Variants in MSR1 observed in about 807,000 individuals in gnomAD.
MSR1 encodes the protein macrophage scavenger receptor types I and II.
MSR1 carries 53 observed loss-of-function variants against 47.2 expected under a neutral mutation model. The ratio of observed to expected loss-of-function variants is 1.12; its 90% CI spans 0.90 to 1.41. The LOEUF (loss-of-function observed/expected upper bound fraction) is 1.41. Among genes scored for constraint, MSR1 ranks in the 40% most tolerant of loss-of-function variants. The pLI is 0.00. For synonymous variants in MSR1, 239 were observed against 185.6 expected (o/e 1.29, Z -2.34); for missense variants, 786 against 546.9 (o/e 1.44, Z -4.36).
In MSR1 at chr8:16,163,387, A is replaced by T. The variant is rs543423041; in HGVS notation, c.817+678T>A. ...TACCAACAGGCAAAAGGTTGCAATC[A>T]AAATATAGAAAAATACATGCAAATG... On this transcript the variant is annotated intron_variant, in intron 5 of 9. Coordinates refer to ENST00000262101, the MANE Select transcript of MSR1 (RefSeq NM_138715.3). Among the ~76,000 whole-genome samples, 14 of 151,928 alleles carry T rather than the reference A, an allele frequency of 9.2e-5. No individual in the cohort carries two copies. In the East Asian group the frequency reaches 2.1e-3, roughly 23 times the overall value.
chr8:16,131,358 C>T (rs1356039295), intron 8 of MSR1, among the ~76,000 whole-genome samples: 1 of 149,956 alleles, frequency 6.7e-6, no homozygotes, highest in African/African-American at 2.5e-5. Context: ...AAGTTCCTTA[C>T]AGATTCTGGA....
chr8:16,136,874 T>G (rs1192478821), intron 8 of MSR1, among the ~76,000 whole-genome samples: 1 of 152,040 alleles, frequency 6.6e-6, no homozygotes, highest in Non-Finnish European at 1.5e-5. Flanking sequence ...GCGCTGGGAT[T>G]ACACGTGTGA....
chr8:16,126,208 C>T (rs955279126), intron 8 of MSR1, among the ~76,000 whole-genome samples: 2 of 152,026 alleles, frequency 1.3e-5, no homozygotes, highest in South Asian at 2.1e-4. Context: ...ATCTATTCAT[C>T]GCTGTTAGAA....
Position 16,110,020 on chromosome 8 carries a change from A to C in MSR1, c.*65T>G. On this transcript the variant is annotated 3_prime_UTR_variant, in exon 10 of 10. Transcript: ENST00000262101. ...TAAATATTGATTAAATGGATTTTAC[A>C]GGAACAAGGTAATAAAATCATTTTT... 6.3e-7 allele frequency: 1 copy of C among 1,582,194 alleles called. No homozygotes were observed. Among genetic ancestry groups the C allele is most frequent in the African/African-American group, 1.3e-5 (1 of 74,428 alleles).
chr8:16,141,121 A>G lies in MSR1; in HGVS notation c.1033+2437T>C, dbSNP rs140828304. On this transcript the variant is annotated intron_variant, in intron 8 of 9. Coordinates refer to ENST00000262101, the MANE Select transcript of MSR1 (RefSeq NM_138715.3). ...AAGCCTTACAAAATTTTAAAGATGC[A>G]TATGAAAACATTCAATATAAATTTT... The G allele has an allele frequency of 1.8e-3, 2,777 of 1,512,940 alleles. 40 individuals carry two copies. The African/African-American group carries it at 0.034, about 18-fold the overall frequency. The allele number at this position is 1,512,940 out of a possible 1,614,324, so 93.7% of individuals were successfully genotyped here.
Position 16,140,479 on chromosome 8 carries a change from G to T in MSR1, c.1033+3079C>A, listed in dbSNP as rs77992971. 2,134 of 989,678 alleles carry T rather than the reference G, an allele frequency of 2.2e-3. 35 individuals carry two copies. The African/African-American group carries it at 0.035, about 16-fold the overall frequency. The allele number at this position is 989,678 out of a possible 1,614,324, so 61.3% of individuals were successfully genotyped here. A position where few individuals can be genotyped will look rare whatever the true frequency, so the allele number is the denominator to read the frequency against. On this transcript the variant is annotated intron_variant, in intron 8 of 9. Coordinates refer to ENST00000262101, the MANE Select transcript of MSR1 (RefSeq NM_138715.3). ...TACACCCTAGTTGTAGTCTCATTGC[G>T]CATGAGCAAAGCATGGCGAGAAATA...
At chr8:16,110,706 A>T (rs1483613886) in intron 9 of MSR1, among the ~76,000 whole-genome samples, 1 of 152,094 alleles carries the variant, frequency 6.6e-6, no homozygotes. Flanking sequence ...GTGTATTTCA[A>T]TTTATGTGTG....
At position 16,182,559 on chromosome 8, in the gene MSR1, C is replaced by CT. The variant is rs34893061; in HGVS notation, c.-4-4568dup. On this transcript the variant is annotated intron_variant, in intron 1 of 9. Transcript: ENST00000262101. ...AGCTTTATCCTATAAGCTATTTTAA[C>CT]TTTTTTTTTTTTTAATGTTTCTACT... 1.7e-3 allele frequency among the ~76,000 whole-genome samples: 256 copies of CT among 146,392 alleles called. 2 individuals carry two copies. The highest frequency in any genetic ancestry group is 2.0e-3 in the Admixed American group (30 of 14,776).
At chr8:16,183,216 T>C (rs1261432562) in intron 1 of MSR1, among the ~76,000 whole-genome samples, 1 of 152,100 alleles carries the variant, frequency 6.6e-6, no homozygotes, top group African/African-American at 2.4e-5. Context: ...ATTTGAGATA[T>C]TCTGCCTCCA....
intron 6 of MSR1, among the ~76,000 whole-genome samples, chr8:16,150,859 C>CACACAG (rs1231544818): frequency 6.7e-6 from 1 of 150,234 alleles, no homozygotes; most frequent in African/African-American, 2.5e-5. Context: ...TAAACACACA[C>CACACAG]ACACACACAC....
chr8:16,179,193 T>C (rs1487722517), intron 1 of MSR1, among the ~76,000 whole-genome samples: 1 of 152,182 alleles, frequency 6.6e-6, no homozygotes, highest in African/African-American at 2.4e-5. Context: ...AATCAGTAAT[T>C]TAATAGAGTA....
intron 9 of MSR1, among the ~76,000 whole-genome samples, chr8:16,119,664 C>T (rs1310337578): frequency 2.0e-5 from 3 of 152,150 alleles, no homozygotes; most frequent in Admixed American, 6.5e-5. Flanking sequence ...TTGGTAATAT[C>T]TTCTAGGCAT....
intron 6 of MSR1, among the ~76,000 whole-genome samples, chr8:16,151,372 G>T (rs1354832534): frequency 6.6e-6 from 1 of 152,120 alleles, no homozygotes; most frequent in Non-Finnish European, 1.5e-5. Flanking sequence ...AAGCATATGA[G>T]ATACTTTCAT....
In MSR1 at chr8:16,129,159, T is replaced by C. The variant is rs1472035813; in HGVS notation, c.1034-8553A>G. Among the ~76,000 whole-genome samples the C allele has an allele frequency of 2.0e-5, 3 of 152,182 alleles. No individual in the cohort carries two copies. In the East Asian group the frequency reaches 5.8e-4, roughly 29 times the overall value. ...CAGTTAAAGAGGTTTACTTGTTCTTTGAACTTTCTAGGAAATAAAAATGCA... is the reference window on the plus strand; with the variant it reads ...CAGTTAAAGAGGTTTACTTGTTCTTCGAACTTTCTAGGAAATAAAAATGCA... On this transcript the variant is annotated intron_variant, in intron 8 of 9. Transcript: ENST00000262101.
intron 8 of MSR1, among the ~76,000 whole-genome samples, chr8:16,134,990 T>C (rs964863772): frequency 2.6e-5 from 4 of 152,128 alleles, no homozygotes; most frequent in Admixed American, 6.5e-5. Flanking sequence ...AGTTGGAAGC[T>C]AGCAGAGGTT....
chr8:16,115,330 T>C (rs981496963), intron 9 of MSR1, among the ~76,000 whole-genome samples: 3 of 152,206 alleles, frequency 2.0e-5, no homozygotes, highest in African/African-American at 4.8e-5. Flanking sequence ...CTCATTTTTC[T>C]AAGTTTCTTT....
In MSR1 at chr8:16,122,843, C is replaced by CTTTTTTTT. The variant is rs35560221; in HGVS notation, c.1034-2245_1034-2238dup. Reference sequence around the variant, plus strand: ...GGGAGTAGGTACCTCTATTCAAATTCTTTTTTTTTTTTTTTTTTTTTGAGA... The same window carrying CTTTTTTTT: ...GGGAGTAGGTACCTCTATTCAAATTCTTTTTTTTTTTTTTTTTTTTTTTTTTTTTGAGA... On this transcript the variant is annotated intron_variant, in intron 8 of 9. Transcript: ENST00000262101. 3.0e-4 allele frequency among the ~76,000 whole-genome samples: 20 copies of CTTTTTTTT among 65,598 alleles called. 1 individual carries two copies. The highest frequency in any genetic ancestry group is 7.5e-4 in the African/African-American group (15 of 19,902). The allele number at this position is 65,598 out of a possible 152,430, so 43.0% of individuals were successfully genotyped here.
At chr8:16,178,477 G>A (rs1008539420) in intron 1 of MSR1, among the ~76,000 whole-genome samples, 2 of 152,078 alleles carry the variant, frequency 1.3e-5, no homozygotes, top group Admixed American at 1.3e-4. Context: ...GTGTACATGT[G>A]CCACATTTTC....
chr8:16,139,772 AAAATATATATATATATATATATATAT>A (rs1800496345), intron 8 of MSR1: 2 of 38,382 alleles, frequency 5.2e-5, no homozygotes, highest in African/African-American at 2.3e-4. Context: ...AAAAAAAAAA[AAAATATATATATATATATATATATAT>A]ATATATATAT....
Sources: gnomAD v4.1 joint callset for allele counts (sites outside exome capture counted in the v4.1 genomes callset) on GRCh38, gnomAD v4.1.1 for gene constraint, MANE v1.5 for transcripts, NCBI Gene and HGNC (gene_info 2026-07-23, HGNC 2026-07-21) for gene names.